The following CDH12 variants were observed in gnomAD, a reference collection of about 807,000 sequenced individuals.
CDH12 encodes the protein cadherin 12.
A neutral mutation model predicts 74.1 loss-of-function variants in CDH12; 41 were observed. The ratio of observed to expected loss-of-function variants is 0.55; its 90% CI spans 0.43 to 0.72. The LOEUF is 0.72. Among genes scored for constraint, CDH12 ranks in the 30% least tolerant of loss-of-function variants. The pLI is 0.00. For missense variants in CDH12, 945 were observed against 977.2 expected (o/e 0.97, Z 0.44); for synonymous variants, 399 against 355.0 (o/e 1.12, Z -1.39).
At chr5:22,571,379 C>T (rs1469906853) in intron 1 of CDH12, among the ~76,000 whole-genome samples, 4 of 151,766 alleles carry the variant, frequency 2.6e-5, no homozygotes, top group Non-Finnish European at 5.9e-5. Context: ...CAGGCTGGAG[C>T]GCAAAGGTGT....
At chr5:22,263,717 A>C (rs1194686542) in intron 3 of CDH12, among the ~76,000 whole-genome samples, 2 of 152,204 alleles carry the variant, frequency 1.3e-5, no homozygotes, top group East Asian at 3.9e-4. Context: ...ATAATAACTG[A>C]AACAAACAGG....
chr5:22,465,518 T>C (rs1012465106), intron 2 of CDH12, among the ~76,000 whole-genome samples: 3 of 152,092 alleles, frequency 2.0e-5, no homozygotes, highest in Non-Finnish European at 2.9e-5. Context: ...TTCTGGTGCA[T>C]ACCTGTAGTC....
Position 22,420,799 on chromosome 5 carries a change from T to C in CDH12, c.-427-15448A>G, listed in dbSNP as rs114402404. Among the ~76,000 whole-genome samples, 490 of 152,294 alleles carry C rather than the reference T, an allele frequency of 3.2e-3. 2 individuals are homozygous for C. Among genetic ancestry groups the C allele is most frequent in the African/African-American group, 0.011 (464 of 41,574 alleles). On this transcript the variant is annotated intron_variant, in intron 2 of 14. Coordinates refer to ENST00000382254, the MANE Select transcript of CDH12 (RefSeq NM_004061.5). The stretch of plus-strand genomic sequence containing the variant: ...ACTTTCAGCAGTATGGTCATCTTTA[T>C]GATATTGATTGTTTCTATCTGTGAG...
chr5:22,824,442 T>C lies in CDH12; in HGVS notation c.-523+28616A>G, dbSNP rs909406390. On this transcript the variant is annotated intron_variant, in intron 1 of 14. Transcript: ENST00000382254. ...GCATACACATACAAATGAGTAAGCA[T>C]GTGAAAGTGTTTTTATAAATGTAAA... 2.6e-5 allele frequency among the ~76,000 whole-genome samples: 4 copies of C among 152,172 alleles called. No homozygotes were observed. The South Asian group carries it at 6.2e-4, about 24-fold the overall frequency.
intron 1 of CDH12, among the ~76,000 whole-genome samples, chr5:22,618,492 G>T (rs1315190566): frequency 2.6e-5 from 4 of 152,116 alleles, no homozygotes; most frequent in African/African-American, 9.7e-5. Flanking sequence ...GAAAGCTCTT[G>T]TTGCACTGTG....
chr5:22,716,708 C>T (rs1743597622), intron 1 of CDH12, among the ~76,000 whole-genome samples: 1 of 151,766 alleles, frequency 6.6e-6, no homozygotes, highest in African/African-American at 2.4e-5. Flanking sequence ...TTTATTGGCC[C>T]TGAAGACCTT....
intron 1 of CDH12, among the ~76,000 whole-genome samples, chr5:22,831,073 T>G (rs879787973): frequency 6.6e-6 from 1 of 151,952 alleles, no homozygotes; most frequent in East Asian, 1.9e-4. Flanking sequence ...AGATGAGAGA[T>G]TCAAGAATAA....
At chr5:22,285,160 G>C (rs1737080288) in intron 3 of CDH12, among the ~76,000 whole-genome samples, 1 of 151,836 alleles carries the variant, frequency 6.6e-6, no homozygotes, top group African/African-American at 2.4e-5. Context: ...TTTTTAAGTG[G>C]GTAAGAATTT....
At chr5:22,175,679 A>G (rs1749291485) in intron 4 of CDH12, among the ~76,000 whole-genome samples, 1 of 152,146 alleles carries the variant, frequency 6.6e-6, no homozygotes, top group African/African-American at 2.4e-5. Context: ...TATAGGTGGT[A>G]TCTATGTAGG....
chr5:22,284,651 A>T (rs1737056185), intron 3 of CDH12, among the ~76,000 whole-genome samples: 1 of 152,182 alleles, frequency 6.6e-6, no homozygotes, highest in South Asian at 2.1e-4. Context: ...TACATTCCAA[A>T]AGTTTTGTCA....
chr5:22,826,427 G>T (rs889500957), intron 1 of CDH12, among the ~76,000 whole-genome samples: 1 of 152,084 alleles, frequency 6.6e-6, no homozygotes, highest in Non-Finnish European at 1.5e-5. Flanking sequence ...ACAGTAAATT[G>T]GTACCAGTAG....
At chr5:22,524,526 A>G (rs1457934830) in intron 1 of CDH12, among the ~76,000 whole-genome samples, 1 of 152,216 alleles carries the variant, frequency 6.6e-6, no homozygotes, top group East Asian at 1.9e-4. Context: ...AACGTGTGAC[A>G]TGCATATATT....
chr5:22,823,615 G>A (rs556016565), intron 1 of CDH12, among the ~76,000 whole-genome samples: 13 of 152,166 alleles, frequency 8.5e-5, no homozygotes, highest in South Asian at 6.2e-4. Flanking sequence ...GCTGTGTGTC[G>A]CCAACCAAAT....
intron 1 of CDH12, among the ~76,000 whole-genome samples, chr5:22,787,796 G>A (rs1747712015): frequency 6.6e-6 from 1 of 152,082 alleles, no homozygotes; most frequent in South Asian, 2.1e-4. Flanking sequence ...CTCACTCGCT[G>A]GTTTCCAGAG....
chr5:22,722,868 C>T (rs1317111452), intron 1 of CDH12, among the ~76,000 whole-genome samples: 1 of 152,078 alleles, frequency 6.6e-6, no homozygotes, highest in Admixed American at 6.6e-5. Context: ...GTTTATGCAC[C>T]TTGAGTTGTA....
At chr5:22,028,044 C>G (rs1017208651) in intron 5 of CDH12, among the ~76,000 whole-genome samples, 23 of 152,162 alleles carry the variant, frequency 1.5e-4, no homozygotes, top group African/African-American at 5.3e-4. Context: ...CAAAGAACAT[C>G]TTTATTTCTG....
At chr5:22,021,859 A>G (rs991519147) in intron 5 of CDH12, among the ~76,000 whole-genome samples, 1 of 152,142 alleles carries the variant, frequency 6.6e-6, no homozygotes, top group Non-Finnish European at 1.5e-5. Context: ...TTATTTAGAG[A>G]CTAAGGCTTG....
chr5:22,408,058 A>G (rs193007285), intron 2 of CDH12, among the ~76,000 whole-genome samples: 2 of 152,168 alleles, frequency 1.3e-5, no homozygotes, highest in East Asian at 1.9e-4. Flanking sequence ...GTTTATTTTT[A>G]GTTTTCATAA....
chr5:22,310,962 T>C (rs1403215289), intron 3 of CDH12, among the ~76,000 whole-genome samples: 1 of 152,220 alleles, frequency 6.6e-6, no homozygotes, highest in African/African-American at 2.4e-5. Flanking sequence ...TGGTTAATTA[T>C]GTGGATGTAA....
Sources: gnomAD v4.1 joint callset for allele counts (sites outside exome capture counted in the v4.1 genomes callset) on GRCh38, gnomAD v4.1.1 for gene constraint, MANE v1.5 for transcripts, NCBI Gene and HGNC (gene_info 2026-07-23, HGNC 2026-07-21) for gene names.